GYS2: variants seen among roughly 807,000 people sequenced by gnomAD.
GYS2 encodes glycogen synthase 2.
Under a neutral mutation model 85.6 loss-of-function variants are expected in GYS2, and 80 were observed. That is an observed-to-expected ratio of 0.93 (90% CI 0.78 to 1.13). GYS2 has a LOEUF of 1.13. GYS2 is among the 50% of genes most tolerant of loss of function. GYS2 has a pLI of 0.00. For missense variants in GYS2, 881 were observed against 854.9 expected, an observed-to-expected ratio of 1.03 and a Z score of -0.38; for synonymous variants, 328 against 300.7, an observed-to-expected ratio of 1.09 and a Z score of -0.94.
At chr12:21,552,589 G>A (rs565271423) in intron 11 of GYS2, among the ~76,000 whole-genome samples, 2 of 152,284 alleles carry the variant, frequency 1.3e-5, no homozygotes, top group South Asian at 4.1e-4. Context: ...TGAGTATGTA[G>A]CAAATGTCAG....
At chr12:21,600,751 T>C (rs925150174) in intron 1 of GYS2, among the ~76,000 whole-genome samples, 3 of 152,136 alleles carry the variant, frequency 2.0e-5, no homozygotes, top group Admixed American at 6.6e-5. Context: ...AGAAACTCCT[T>C]GAGTTCACTT....
intron 11 of GYS2, 73 bp from the exon 12 acceptor site, chr12:21,546,543 G>T: frequency 2.2e-6 from 2 of 928,962 alleles, no homozygotes; most frequent in South Asian, 1.5e-5. Flanking sequence ...CTACAATTTG[G>T]TTATTTCAGT....
At chr12:21,544,861 T>C (rs1944019771) in intron 12 of GYS2, among the ~76,000 whole-genome samples, 1 of 152,202 alleles carries the variant, frequency 6.6e-6, no homozygotes, top group African/African-American at 2.4e-5. Flanking sequence ...GCTAGAACAA[T>C]AGAATAGGAC....
rs908007324 is a variant in GYS2, at chr12:21,549,047, G to T, written c.1423-2577C>A. On this transcript the variant is annotated intron_variant, in intron 11 of 15. Coordinates refer to ENST00000261195, the MANE Select transcript of GYS2 (RefSeq NM_021957.4). Reference sequence around the variant, plus strand: ...GTAATGGAAAAATATTAATAGTTCAGGTTTAGCCTTAAAATGTGTTGTACC... The same window carrying T: ...GTAATGGAAAAATATTAATAGTTCATGTTTAGCCTTAAAATGTGTTGTACC... Among the ~76,000 whole-genome samples, 24 of 146,162 alleles carry T rather than the reference G, an allele frequency of 1.6e-4. 1 individual carries two copies. Among genetic ancestry groups the T allele is most frequent in the African/African-American group, 5.8e-4 (24 of 41,128 alleles).
At chr12:21,542,797 C>T (rs1375581187) in intron 12 of GYS2, among the ~76,000 whole-genome samples, 1 of 152,214 alleles carries the variant, frequency 6.6e-6, no homozygotes, top group Non-Finnish European at 1.5e-5. Context: ...CCCCATCTTA[C>T]AGCTGAAGAA....
chr12:21,535,998 T>C (rs1943906398), downstream of GYS2, among the ~76,000 whole-genome samples: 1 of 69,510 alleles, frequency 1.4e-5, no homozygotes, highest in African/African-American at 4.4e-5. Context: ...TGTTCTATTT[T>C]TTCTATTTTT....
intron 1 of GYS2, among the ~76,000 whole-genome samples, chr12:21,597,359 A>G (rs896858211): frequency 2.6e-5 from 4 of 152,110 alleles, no homozygotes; most frequent in African/African-American, 4.8e-5. Flanking sequence ...TCAACAGTGG[A>G]AAAACAAATA....
chr12:21,567,037 A>G (rs1944329182), intron 5 of GYS2, among the ~76,000 whole-genome samples: 2 of 152,210 alleles, frequency 1.3e-5, no homozygotes, highest in Non-Finnish European at 2.9e-5. Context: ...GTGTCATGAA[A>G]AATAATGGAA....
At chr12:21,545,349 C>T (rs559988216) in intron 12 of GYS2, among the ~76,000 whole-genome samples, 1 of 152,038 alleles carries the variant, frequency 6.6e-6, no homozygotes, top group African/African-American at 2.4e-5. Context: ...GGCTGAGGCA[C>T]GAGAATCTCT....
At chr12:21,586,768 T>C (rs1944579301) in intron 1 of GYS2, among the ~76,000 whole-genome samples, 1 of 152,154 alleles carries the variant, frequency 6.6e-6, no homozygotes, top group Admixed American at 6.5e-5. Flanking sequence ...AGCATGAAGA[T>C]TTCTTAAAGA....
At chr12:21,598,052 C>T (rs1051093927) in intron 1 of GYS2, among the ~76,000 whole-genome samples, 2 of 151,482 alleles carry the variant, frequency 1.3e-5, no homozygotes, top group Non-Finnish European at 2.9e-5. Context: ...AAGGTGTGTA[C>T]GTTATGGGAG....
At chr12:21,573,862 C>A (rs1401162856) in intron 4 of GYS2, among the ~76,000 whole-genome samples, 2 of 152,098 alleles carry the variant, frequency 1.3e-5, no homozygotes, top group Non-Finnish European at 2.9e-5. Flanking sequence ...CAACCTTGCA[C>A]CTACACCATG....
chr12:21,595,592 C>T (rs548928941), intron 1 of GYS2, among the ~76,000 whole-genome samples: 2 of 151,948 alleles, frequency 1.3e-5, no homozygotes, highest in East Asian at 3.9e-4. Flanking sequence ...TGTAAATGGC[C>T]TAAATGCTCC....
At chr12:21,598,017 G>A (rs914394847) in intron 1 of GYS2, among the ~76,000 whole-genome samples, 3 of 152,084 alleles carry the variant, frequency 2.0e-5, no homozygotes, top group Non-Finnish European at 2.9e-5. Context: ...GTAGAGAGTA[G>A]AATGACAGAA....
chr12:21,543,000 A>G (rs1052538214), intron 12 of GYS2, among the ~76,000 whole-genome samples: 1 of 152,138 alleles, frequency 6.6e-6, no homozygotes, highest in Non-Finnish European at 1.5e-5. Flanking sequence ...TGGCAAGTTT[A>G]TGAGGTAGGT....
chr12:21,538,786 T>G (rs1943938810), intron 15 of GYS2, among the ~76,000 whole-genome samples: 1 of 152,196 alleles, frequency 6.6e-6, no homozygotes, highest in Non-Finnish European at 1.5e-5. Flanking sequence ...CTTATGAACA[T>G]AAACGTCTAG....
intron 1 of GYS2, among the ~76,000 whole-genome samples, chr12:21,594,968 C>A (rs1285960343): frequency 6.6e-6 from 1 of 152,056 alleles, no homozygotes; most frequent in Non-Finnish European, 1.5e-5. Context: ...AGATTTTCAA[C>A]AAAGGTGACA....
intron 1 of GYS2, among the ~76,000 whole-genome samples, chr12:21,601,727 A>G (rs1944758323): frequency 1.3e-5 from 2 of 152,064 alleles, no homozygotes; most frequent in Middle Eastern, 3.2e-3. Flanking sequence ...TGTATGTTCA[A>G]TGTCTACCTT....
In GYS2 at chr12:21,563,030, T is replaced by C; in HGVS notation, c.950A>G (p.Asp317Gly). The C allele has an allele frequency of 6.2e-7, 1 of 1,611,030 alleles. No homozygotes were observed. The highest frequency in any genetic ancestry group is 8.5e-7 in the Non-Finnish European group (1 of 1,177,432). The stretch of plus-strand genomic sequence containing the variant: ...GAACAAAGTCTTTTCAAGATCAAAG[T>C]CGAGATGACTAAAACAAAACAAAAC... ...FVRGHFYGHL[D>G]FDLEKTLFLF... The change falls in exon 7 of 16, where the codon GAC becomes GGC. Residue 317 changes from aspartate to glycine, a missense_variant. Transcript: ENST00000261195.
Sources: gnomAD v4.1 joint callset for allele counts (sites outside exome capture counted in the v4.1 genomes callset) on GRCh38, gnomAD v4.1.1 for gene constraint, MANE v1.5 for transcripts, NCBI Gene and HGNC (gene_info 2026-07-23, HGNC 2026-07-21) for gene names.